The following ABCA12 variants were observed in gnomAD, a reference collection of about 807,000 sequenced individuals.
ABCA12 encodes the protein glucosylceramide transporter ABCA12.
Under a neutral mutation model 293.5 loss-of-function variants are expected in ABCA12, and 156 were observed. The observed-to-expected ratio is 0.53, with a 90% CI of 0.47 to 0.61. The LOEUF is 0.61. Among genes scored for constraint, ABCA12 ranks in the 20% least tolerant of loss-of-function variants. The pLI, the probability that ABCA12 is intolerant of heterozygous loss-of-function variation, is 0.00. For synonymous variants in ABCA12, 1,063 were observed against 1,108.0 expected (o/e 0.96, Z 0.81); for missense variants, 2,797 against 3,090.2 (o/e 0.91, Z 2.25).
chr2:215,104,800 C>T (rs754001713), intron 2 of ABCA12, among the ~76,000 whole-genome samples: 34 of 152,120 alleles, frequency 2.2e-4, no homozygotes, highest in Non-Finnish European at 4.3e-4. Context: ...GGAACTCTTT[C>T]GTATTTGTGA....
At chr2:215,033,097 G>A (rs1364540737) in intron 8 of ABCA12, among the ~76,000 whole-genome samples, 1 of 152,180 alleles carries the variant, frequency 6.6e-6, no homozygotes, top group Non-Finnish European at 1.5e-5. Context: ...CAGCAGAGTA[G>A]AGTTTTTCTG....
chr2:215,049,759 C>T lies in ABCA12; in HGVS notation c.560G>A (p.Ser187Asn), dbSNP rs1701280937. The change falls in exon 6 of 53, where the codon AGC (serine) becomes AAC (asparagine). Residue 187 changes from serine (S) to asparagine (N), a missense_variant. By Grantham distance (46) the Ser-to-Asn change is conservative. Coordinates refer to ENST00000272895, the MANE Select transcript of ABCA12 (RefSeq NM_173076.3). Reference protein sequence around the residue: ...SEDIRRELCDSYSGYIVDDAF... With the variant: ...SEDIRRELCDNYSGYIVDDAF... ...ATCATCCACAATGTATCCTGAATAG[C>T]TGTCACATAGTTCTCTTCGTATATC... 6.2e-7 allele frequency: 1 copy of T among 1,613,644 alleles called. No homozygotes were observed. The highest frequency in any genetic ancestry group is 8.5e-7 in the Non-Finnish European group (1 of 1,179,756).
intron 20 of ABCA12, 114 bp downstream of exon 20, chr2:215,004,095 G>T: frequency 1.2e-6 from 1 of 847,726 alleles, no homozygotes; most frequent in Non-Finnish European, 1.9e-6. Context: ...TCTTTGAGTA[G>T]CTAGCTACAA....
intron 43 of ABCA12, among the ~76,000 whole-genome samples, chr2:214,954,992 T>C (rs1467042769): frequency 1.3e-5 from 2 of 152,210 alleles, no homozygotes; most frequent in Non-Finnish European, 2.9e-5. Context: ...TCAAGCCCTA[T>C]CAGGTGTCAA....
intron 47 of ABCA12, 92 bp downstream of exon 47, chr2:214,948,504 G>A: frequency 7.2e-7 from 1 of 1,379,580 alleles, no homozygotes. Context: ...GGAAATGGTG[G>A]GGCAGGGGGG....
At chr2:215,089,719 C>A (rs528253492) in intron 2 of ABCA12, among the ~76,000 whole-genome samples, 37 of 152,310 alleles carry the variant, frequency 2.4e-4, no homozygotes, top group Non-Finnish European at 4.0e-4. Flanking sequence ...CTAAGTATAG[C>A]AACCAAAAAA....
intron 2 of ABCA12, among the ~76,000 whole-genome samples, chr2:215,110,080 G>A (rs941554337): frequency 2.6e-5 from 4 of 152,140 alleles, no homozygotes; most frequent in Non-Finnish European, 4.4e-5. Context: ...AACTCCAACA[G>A]TATACGGTGG....
At chr2:215,081,925 G>A (rs915114722) in intron 2 of ABCA12, among the ~76,000 whole-genome samples, 13 of 152,152 alleles carry the variant, frequency 8.5e-5, no homozygotes, top group Middle Eastern at 3.4e-3. Flanking sequence ...TGTTACTAGA[G>A]GATTGGAATT....
chr2:215,136,186 C>T (rs967754006), intron 1 of ABCA12, among the ~76,000 whole-genome samples: 1 of 152,164 alleles, frequency 6.6e-6, no homozygotes, highest in Non-Finnish European at 1.5e-5. Flanking sequence ...TTCTCCCTCC[C>T]TAGGAAAAGT....
At chr2:215,004,373 C>T (rs1318957055) in intron 19 of ABCA12, 74 bp from the exon 20 acceptor site, 5 of 1,120,880 alleles carry the variant, frequency 4.5e-6, no homozygotes, top group East Asian at 2.5e-5. Flanking sequence ...TAATAACCAC[C>T]ACAGTGAAGT....
chr2:214,945,638 C>A (rs1039161647), intron 48 of ABCA12, among the ~76,000 whole-genome samples: 2 of 152,162 alleles, frequency 1.3e-5, no homozygotes, highest in South Asian at 4.1e-4. Context: ...GAAAGATGTA[C>A]GTTATTTTTC....
At chr2:215,006,138 G>T (rs1700248234) in intron 19 of ABCA12, among the ~76,000 whole-genome samples, 1 of 152,108 alleles carries the variant, frequency 6.6e-6, no homozygotes, top group Non-Finnish European at 1.5e-5. Flanking sequence ...AGAGATTCCA[G>T]CAAATTACAG....
intron 1 of ABCA12, among the ~76,000 whole-genome samples, chr2:215,134,342 GTA>G (rs1190539361): frequency 2.9e-5 from 4 of 137,948 alleles, no homozygotes; most frequent in South Asian, 2.3e-4. Context: ...ACATATATAT[GTA>G]TATGTGTATA....
At chr2:214,980,138 C>G (rs1015769724) in intron 31 of ABCA12, among the ~76,000 whole-genome samples, 5 of 152,158 alleles carry the variant, frequency 3.3e-5, no homozygotes, top group Non-Finnish European at 7.3e-5. Flanking sequence ...GGCTGATTCT[C>G]CATCAGTAAC....
At chr2:214,999,412 T>G (rs2105987195) in intron 22 of ABCA12, among the ~76,000 whole-genome samples, 1 of 152,292 alleles carries the variant, frequency 6.6e-6, no homozygotes, top group African/African-American at 2.4e-5. Context: ...TGGATTTCAG[T>G]TTTTTCATCT....
At chr2:215,033,771 C>G (rs1700930589) in intron 8 of ABCA12, among the ~76,000 whole-genome samples, 1 of 151,910 alleles carries the variant, frequency 6.6e-6, no homozygotes, top group Non-Finnish European at 1.5e-5. Context: ...GACACCCCGT[C>G]TCTACTAAAA....
At chr2:215,029,209 A>C (rs7587540) in intron 9 of ABCA12, 114,853 of 152,102 alleles carry the variant, frequency 0.76, 47,240 homozygotes, top group East Asian at 0.95. Flanking sequence ...CCATCACAGA[A>C]TATCTAGCAT....
rs1183348504 is a variant in ABCA12 at position 214,953,922 on chromosome 2, C to G, written c.6579G>C (p.Leu2193Phe). Residue 2193 changes from leucine to phenylalanine, a missense_variant, in exon 44 of 53, where the codon TTG becomes TTC. This residue lies in a region of ABCA12 where 2,130 missense variants were observed against 2,427.0 expected (regional missense o/e 0.88). Transcript: ENST00000272895. ...MNKLGAMFVALVSQGTMFFSL... is the reference protein window; with the variant it reads ...MNKLGAMFVAFVSQGTMFFSL... ...AAAAAAACATGGTGCCCTGAGAAACCAAAGCCACAAACATTGCACCTAGTT... is the reference window on the plus strand; with the variant it reads ...AAAAAAACATGGTGCCCTGAGAAACGAAAGCCACAAACATTGCACCTAGTT... The G allele has an allele frequency of 6.2e-7, 1 of 1,613,924 alleles. No homozygotes were observed. Among genetic ancestry groups the G allele is most frequent in the South Asian group, 1.1e-5 (1 of 91,066 alleles).
At chr2:215,017,198 G>A (rs1700523954) in intron 14 of ABCA12, among the ~76,000 whole-genome samples, 1 of 152,170 alleles carries the variant, frequency 6.6e-6, no homozygotes, top group Admixed American at 6.5e-5. Context: ...GAAAATAACT[G>A]GGCTGTGCTT....
Sources: allele counts gnomAD v4.1 joint callset (sites outside exome capture counted in the v4.1 genomes callset), GRCh38; gene constraint gnomAD v4.1.1; regional missense constraint gnomAD v4.1.1; transcripts MANE v1.5; gene names NCBI Gene and HGNC (gene_info 2026-07-23, HGNC 2026-07-21).